The following STOML1 variants were observed in gnomAD, a reference collection of about 807,000 sequenced individuals.
The protein encoded by STOML1 is stomatin-like protein 1.
In STOML1, 27 loss-of-function variants were observed where a neutral mutation model predicts 35.7. That is an observed-to-expected ratio of 0.76 (90% confidence interval 0.56 to 1.04). The LOEUF (loss-of-function observed/expected upper bound fraction) is 1.04, where lower values mean the gene tolerates loss of function less well. Among genes scored for constraint, STOML1 ranks in the 50% least tolerant of loss-of-function variants. The pLI is 0.00. For synonymous variants in STOML1, 219 were observed against 227.9 expected (o/e 0.96, Z 0.35); for missense variants, 451 against 527.1 (o/e 0.86, Z 1.41).
chr15:73,988,387 C>G lies in STOML1; in HGVS notation c.594+212G>C, dbSNP rs913271073. 1.0e-5 allele frequency: 6 copies of G among 597,724 alleles called. No homozygotes were observed. Among genetic ancestry groups the G allele is most frequent in the African/African-American group, 9.3e-5 (5 of 53,922 alleles). The allele number at this position is 597,724 out of a possible 1,614,324, so 37.0% of individuals were successfully genotyped here. A position where few individuals can be genotyped will look rare whatever the true frequency, so the allele number is the denominator to read the frequency against. On this transcript the variant is annotated intron_variant, in intron 4 of 6. Coordinates refer to ENST00000541638, the MANE Select transcript of STOML1 (RefSeq NM_004809.5). The surrounding 1 kb of genome is among the most constrained non-coding windows in gnomAD (Gnocchi z 4.8). ...CGGGGCCACTTCCTCTTCTCAGGGA[C>G]AAGTTTGCCCAGGATCGTTATGGTC...
chr15:73,991,013 T>G, intron 1 of STOML1: 1 of 1,405,318 alleles, frequency 7.1e-7, no homozygotes. Context: ...TATTATTTTC[T>G]ATTCCACACC....
At chr15:73,986,531 T>G (rs1235844583) in intron 4 of STOML1, 2 of 150,684 alleles carry the variant, frequency 1.3e-5, no homozygotes, top group Non-Finnish European at 2.9e-5. Flanking sequence ...AGGTCACAGA[T>G]GAGAAGAGGC....
upstream of STOML1, chr15:73,994,520 C>G: frequency 3.9e-6 from 2 of 511,234 alleles, no homozygotes; most frequent in South Asian, 4.2e-5. Context: ...GGCTGCCCCC[C>G]TGCAGCTCTG....
chr15:73,989,116 G>A lies in STOML1; in HGVS notation c.382C>T (p.Pro128Ser), dbSNP rs1320200507. 6.3e-7 allele frequency: 1 copy of A among 1,597,842 alleles called. No individual in the cohort carries two copies. The highest frequency in any genetic ancestry group is 1.3e-5 in the African/African-American group (1 of 74,502). ...DLRTRAFNVP[P>S]CKLASKDGAV... ...GCTGAGAAGCCCCTCACCTTGCAGG[G>A]AGGGACGTTGAAGGCTCGTGTCCTC... Residue 128 changes from proline (P) to serine (S), a missense_variant, in exon 3 of 7, where the codon CCC (proline) becomes TCC (serine). Pro to Ser is a moderately conservative substitution (Grantham distance 74). Transcript: ENST00000541638.
chr15:73,990,877 A>G (rs2069253122), intron 1 of STOML1: 10 of 1,535,612 alleles, frequency 6.5e-6, no homozygotes, highest in Non-Finnish European at 8.7e-6. Context: ...CTGGCAAAAC[A>G]CATTCCTCCT....
At position 73,989,199 on chromosome 15, in the gene STOML1, T is replaced by TG; in HGVS notation, c.298dup (p.Gln100ProfsTer13). The TG allele has an allele frequency of 6.8e-6, 11 of 1,612,332 alleles. No homozygotes were observed. Among genetic ancestry groups the TG allele is most frequent in the Non-Finnish European group, 9.3e-6 (11 of 1,179,002 alleles). The stretch of plus-strand genomic sequence containing the variant: ...CAAGAGCAGAACCATGCCAGGTCCC[T>TG]GGGGGGTGCGGATCCGGCCCAGGCG... On this transcript the variant is annotated frameshift_variant, in exon 3 of 7. Transcript: ENST00000541638. LOFTEE classifies it high-confidence loss of function.
chr15:73,988,816 C>T lies in STOML1; in HGVS notation c.391-14G>A. On this transcript the variant is annotated splice_polypyrimidine_tract_variant and intron_variant, in intron 3 of 6. Coordinates refer to ENST00000541638, the MANE Select transcript of STOML1 (RefSeq NM_004809.5). The surrounding 1 kb of genome is among the most constrained non-coding windows in gnomAD (Gnocchi z 4.8). ...CTTAGAGGCCAGCTGTTGGGGGAGG[C>T]CATGAGAGAGAGACACTCAAGGGGC... The T allele has an allele frequency of 1.2e-6, 2 of 1,604,870 alleles. No homozygotes were observed. The highest frequency in any genetic ancestry group is 8.5e-7 in the Non-Finnish European group (1 of 1,172,618).
chr15:73,990,661 C>T (rs1327672405), intron 1 of STOML1, among the ~76,000 whole-genome samples: 1 of 152,226 alleles, frequency 6.6e-6, no homozygotes, highest in African/African-American at 2.4e-5. Context: ...TACATCAACA[C>T]TCATTTGTCC....
At position 73,979,440 on chromosome 15, in the gene STOML1, C is replaced by G. The variant is rs906520647; in HGVS notation, c.*4497G>C. The G allele has an allele frequency of 6.6e-6, 1 of 152,174 alleles. No individual in the cohort carries two copies. The highest frequency in any genetic ancestry group is 1.5e-5 in the Non-Finnish European group (1 of 68,042). 9.4% of individuals were successfully genotyped at this position (152,174 alleles called of 1,614,324 possible). A position where few individuals can be genotyped will look rare whatever the true frequency, so the allele number is the denominator to read the frequency against. Reference sequence around the variant, plus strand: ...GATCTCAACTCACTGCAACTTCCACCTCCTGGGTTCAAGCAATTCTCCTGT... The same window carrying G: ...GATCTCAACTCACTGCAACTTCCACGTCCTGGGTTCAAGCAATTCTCCTGT... On this transcript the variant is annotated 3_prime_UTR_variant, in exon 7 of 7. Coordinates refer to ENST00000541638, the MANE Select transcript of STOML1 (RefSeq NM_004809.5).
chr15:73,994,204 T>C (rs953162480), upstream of STOML1, among the ~76,000 whole-genome samples: 7 of 152,168 alleles, frequency 4.6e-5, no homozygotes, highest in African/African-American at 1.7e-4. Context: ...CTCTTAAATC[T>C]GAAAATGGCC....
rs2069177608 is a variant in STOML1 at position 73,988,868 on chromosome 15, T to G, written c.391-66A>C. 3.8e-6 allele frequency: 6 copies of G among 1,563,492 alleles called. No homozygotes were observed. The highest frequency in any genetic ancestry group is 3.6e-5 in the Admixed American group (2 of 56,138). ...GGGGGTGCAGGGAGGTCAGGCCCAC[T>G]GGGGCCACCCAGCTTGAACCACCTG... On this transcript the variant is annotated intron_variant, in intron 3 of 6. Coordinates refer to ENST00000541638, the MANE Select transcript of STOML1 (RefSeq NM_004809.5). This position sits in a 1 kb window ranked among gnomAD's most constrained non-coding sequence, Gnocchi z 4.8.
At position 73,984,127 on chromosome 15, in the gene STOML1, C is replaced by A. The variant is rs1406637511; in HGVS notation, c.1007G>T (p.Arg336Leu). ...SAYFLDLTTG[R>L]GRVGHGVPDG... ...AGGCACCCCGTGTCCCACTCTTCCT[C>A]GTCCTGTGGGGCAAAAGAAAACCGA... Residue 336 changes from arginine (R) to leucine (L), a missense_variant, in exon 7 of 7, where the codon CGA (arginine) becomes CTA (leucine). Transcript: ENST00000541638. 1.2e-6 allele frequency: 2 copies of A among 1,609,408 alleles called. No individual in the cohort carries two copies. The highest frequency in any genetic ancestry group is 1.7e-6 in the Non-Finnish European group (2 of 1,176,516).
In STOML1 at chr15:73,980,806, C is replaced by CCTAGGCAGGCAGATCACT. The variant is rs1241543351; in HGVS notation, c.*3130_*3131insAGTGATCTGCCTGCCTAG. The CCTAGGCAGGCAGATCACT allele has an allele frequency of 6.6e-6, 1 of 152,064 alleles. No individual in the cohort carries two copies. The allele number at this position is 152,064 out of a possible 1,614,324, so 9.4% of individuals were successfully genotyped here. Reference sequence around the variant, plus strand: ...CCTGTAATCCCAGCACTTTGGGAGGCTGTGGTGGGAGGATCCTGCGAGCCC... The same window carrying CCTAGGCAGGCAGATCACT: ...CCTGTAATCCCAGCACTTTGGGAGGCCTAGGCAGGCAGATCACTTGTGGTGGGAGGATCCTGCGAGCCC... On this transcript the variant is annotated 3_prime_UTR_variant, in exon 7 of 7. Coordinates refer to ENST00000541638, the MANE Select transcript of STOML1 (RefSeq NM_004809.5).
Position 73,985,390 on chromosome 15 carries a change from G to T in STOML1, c.718C>A (p.Gln240Lys). 1 of 1,559,302 alleles carries T rather than the reference G, an allele frequency of 6.4e-7. No individual in the cohort carries two copies. The change falls in exon 5 of 7, where the codon CAG becomes AAG. Residue 240 changes from glutamine (Q) to lysine (K), a missense_variant. Physicochemically the swap from Gln to Lys is moderately conservative, Grantham distance 53. Transcript: ENST00000541638. Reference sequence around the variant, plus strand: ...CCCAGGAAGTGCAGGGCCAGCTGCTGGAGGGTGCTGTCCAGGTTGGGCCCA... The same window carrying T: ...CCCAGGAAGTGCAGGGCCAGCTGCTTGAGGGTGCTGTCCAGGTTGGGCCCA... ...PAGPNLDSTL[Q>K]QLALHFLGGS... is the part of the protein sequence containing the mutation.
At chr15:73,989,640 C>T (rs903373102) in intron 2 of STOML1, among the ~76,000 whole-genome samples, 1 of 152,126 alleles carries the variant, frequency 6.6e-6, no homozygotes, top group Non-Finnish European at 1.5e-5. Context: ...TAACAGCACC[C>T]CCGGGGAAAG....
chr15:73,984,689 G>T lies in STOML1; in HGVS notation c.973C>A (p.Gln325Lys). The T allele has an allele frequency of 1.9e-6, 3 of 1,614,152 alleles. No homozygotes were observed. The highest frequency in any genetic ancestry group is 2.5e-6 in the Non-Finnish European group (3 of 1,180,032). Reference sequence around the variant, plus strand: ...GTGAGGTCCAGGAAGTAGGCGCTTTGGGTGCCGCTGGGCAGGACGACATTG... The same window carrying T: ...GTGAGGTCCAGGAAGTAGGCGCTTTTGGTGCCGCTGGGCAGGACGACATTG... ...QFNVVLPSGT[Q>K]SAYFLDLTTG... The change falls in exon 6 of 7, where the codon CAA becomes AAA. Residue 325 changes from glutamine (Q) to lysine (K), a missense_variant. Gln to Lys is a moderately conservative substitution (Grantham distance 53). Transcript: ENST00000541638.
At position 73,991,129 on chromosome 15, in the gene STOML1, A is replaced by G. The variant is rs2069261665; in HGVS notation, c.134-672T>C. The G allele has an allele frequency of 7.9e-6, 4 of 507,008 alleles. 1 individual carries two copies. In the South Asian group the frequency reaches 3.4e-4, roughly 43 times the overall value. The allele number at this position is 507,008 out of a possible 1,614,324, so 31.4% of individuals were successfully genotyped here. ...CGAGACTCCATCTCAAAAAAACAAC[A>G]AACAACAAAAAACAAAAACAAAAAA... On this transcript the variant is annotated intron_variant, in intron 1 of 6. Transcript: ENST00000541638.
chr15:73,983,410 A>G lies in STOML1; in HGVS notation c.*527T>C, dbSNP rs536339906. On this transcript the variant is annotated 3_prime_UTR_variant, in exon 7 of 7. Coordinates refer to ENST00000541638, the MANE Select transcript of STOML1 (RefSeq NM_004809.5). ...CAGGCCCTGCTCCTTCCCATGCCCA[A>G]TCCCGCCAGCACGGGCCTGGACTGC... 6.6e-6 allele frequency: 1 copy of G among 152,636 alleles called. No homozygotes were observed. The highest frequency in any genetic ancestry group is 2.1e-4 in the South Asian group (1 of 4,846). The allele number at this position is 152,636 out of a possible 1,614,324, so 9.5% of individuals were successfully genotyped here. A position where few individuals can be genotyped will look rare whatever the true frequency, so the allele number is the denominator to read the frequency against.
In STOML1 at chr15:73,984,672, C is replaced by T; in HGVS notation, c.990G>A (p.Leu330=). The part of the protein sequence containing the change: ...LPSGTQSAYF[L]DLTTGRGRVG... ...GGGCAGCGGCACCTGTAGTGAGGTCCAGGAAGTAGGCGCTTTGGGTGCCGC... is the reference window on the plus strand; with the variant it reads ...GGGCAGCGGCACCTGTAGTGAGGTCTAGGAAGTAGGCGCTTTGGGTGCCGC... The change falls in exon 6 of 7, where the codon CTG becomes CTA. Residue 330 remains leucine, a synonymous_variant. Transcript: ENST00000541638. 6.2e-7 allele frequency: 1 copy of T among 1,614,112 alleles called. No homozygotes were observed. Among genetic ancestry groups the T allele is most frequent in the East Asian group, 2.2e-5 (1 of 44,890 alleles).
Sources: allele counts gnomAD v4.1 joint callset (sites outside exome capture counted in the v4.1 genomes callset), GRCh38; gene constraint gnomAD v4.1.1; non-coding constraint Gnocchi (gnomAD v3.1); transcripts MANE v1.5; gene names NCBI Gene and HGNC (gene_info 2026-07-23, HGNC 2026-07-21).